Variants in MGAT4C observed in about 807,000 individuals in gnomAD.
The protein encoded by MGAT4C is alpha-1,3-mannosyl-glycoprotein 4-beta-N-acetylglucosaminyltransferase C.
In MGAT4C, 19 loss-of-function variants were observed where a neutral mutation model predicts 40.1. That is an observed-to-expected ratio of 0.47 (90% CI 0.33 to 0.70). The LOEUF (loss-of-function observed/expected upper bound fraction) is 0.70. Ranked by LOEUF, MGAT4C falls within the 30% of genes least tolerant of loss-of-function variation. MGAT4C has a pLI of 0.02. For synonymous variants in MGAT4C, 181 were observed against 187.1 expected, an observed-to-expected ratio of 0.97 and a Z score of 0.27; for missense variants, 491 against 563.2, an observed-to-expected ratio of 0.87 and a Z score of 1.30.
At position 86,182,585 on chromosome 12, in the gene MGAT4C, TTCTC is replaced by T. The variant is rs141153024; in HGVS notation, c.-57+73650_-57+73653del. On this transcript the variant is annotated intron_variant, in intron 1 of 4. Coordinates refer to ENST00000611864, the MANE Select transcript of MGAT4C (RefSeq NM_001351288.2). ...TCTTCCTCCCTTCCTTTCTTCTTTC[TTCTC>T]TCTCTTTATTCATTTTCTTCCTATT... Among the ~76,000 whole-genome samples the T allele has an allele frequency of 2.8e-4, 43 of 152,188 alleles. No individual in the cohort carries two copies. In the East Asian group the frequency reaches 7.2e-3, roughly 25 times the overall value.
chr12:86,718,706 A>T (rs1307759342), intron 2 of MGAT4C, among the ~76,000 whole-genome samples: 1 of 152,152 alleles, frequency 6.6e-6, no homozygotes, highest in Non-Finnish European at 1.5e-5. Context: ...CTGTCAGATC[A>T]GCGGGGTCAT....
intron 2 of MGAT4C, among the ~76,000 whole-genome samples, chr12:86,640,111 A>G (rs896210640): frequency 2.1e-4 from 32 of 151,842 alleles, no homozygotes; most frequent in Non-Finnish European, 3.7e-4. Flanking sequence ...ATAAACATAA[A>G]CCTCACATTG....
chr12:86,037,306 C>T (rs1200786171), intron 2 of MGAT4C, among the ~76,000 whole-genome samples: 2 of 149,834 alleles, frequency 1.3e-5, no homozygotes, highest in African/African-American at 2.4e-5. Flanking sequence ...CTGCTCTAAT[C>T]TTAGTTACTT....
intron 4 of MGAT4C, among the ~76,000 whole-genome samples, chr12:86,315,660 C>G (rs367581411): frequency 3.3e-5 from 5 of 152,036 alleles, no homozygotes; most frequent in Non-Finnish European, 7.4e-5. Context: ...GAGCCGAGAT[C>G]GCGCCCCTGC....
chr12:86,681,365 C>T (rs985564329), intron 2 of MGAT4C, among the ~76,000 whole-genome samples: 1 of 151,864 alleles, frequency 6.6e-6, no homozygotes, highest in Non-Finnish European at 1.5e-5. Flanking sequence ...CATTTGCAAC[C>T]ATGGTGGACT....
chr12:86,517,289 TTA>T (rs1958707821), intron 2 of MGAT4C, among the ~76,000 whole-genome samples: 1 of 152,164 alleles, frequency 6.6e-6, no homozygotes, highest in Admixed American at 6.5e-5. Flanking sequence ...GACATGTGAA[TTA>T]TATCTCAATA....
intron 2 of MGAT4C, among the ~76,000 whole-genome samples, chr12:86,588,459 C>CT (rs1961166333): frequency 1.3e-5 from 2 of 151,984 alleles, no homozygotes; most frequent in South Asian, 4.1e-4. Flanking sequence ...TAATGGGAGA[C>CT]TTTAACACCC....
chr12:86,409,917 G>A (rs965539918), intron 3 of MGAT4C, among the ~76,000 whole-genome samples: 7 of 152,132 alleles, frequency 4.6e-5, no homozygotes, highest in African/African-American at 1.4e-4. Flanking sequence ...TTACAGCTGG[G>A]CCTCCAGGGG....
At chr12:86,142,386 T>A (rs1293120043) in intron 1 of MGAT4C, among the ~76,000 whole-genome samples, 1 of 152,154 alleles carries the variant, frequency 6.6e-6, no homozygotes, top group Non-Finnish European at 1.5e-5. Context: ...CATGTTTATT[T>A]TCATGTAATT....
chr12:86,762,781 T>C lies in MGAT4C; in HGVS notation c.-261-35540A>G, dbSNP rs183629268. Among the ~76,000 whole-genome samples the C allele has an allele frequency of 1.8e-3, 267 of 152,288 alleles. 2 individuals carry two copies. Among genetic ancestry groups the C allele is most frequent in the African/African-American group, 6.1e-3 (252 of 41,564 alleles). ...ACAAATAATAAACACATTTTGAAAG[T>C]AGAGAAACATGTCATCATAAAGCAG... On this transcript the variant is annotated intron_variant, in intron 1 of 7. Coordinates refer to the MGAT4C transcript ENST00000548651.
upstream of MGAT4C, among the ~76,000 whole-genome samples, chr12:86,261,350 A>G (rs1210376994): frequency 2.0e-5 from 3 of 152,130 alleles, no homozygotes; most frequent in African/African-American, 7.2e-5. Context: ...TATGACTCAT[A>G]CTTCAGTTTC....
At chr12:86,122,825 T>C (rs1013223407) in intron 1 of MGAT4C, among the ~76,000 whole-genome samples, 1 of 152,126 alleles carries the variant, frequency 6.6e-6, no homozygotes, top group African/African-American at 2.4e-5. Context: ...CACAAAATGA[T>C]AGTATTCTTA....
chr12:86,116,353 T>C (rs1233499336), intron 1 of MGAT4C, among the ~76,000 whole-genome samples: 1 of 151,928 alleles, frequency 6.6e-6, no homozygotes, highest in African/African-American at 2.4e-5. Context: ...GTAATCCAGA[T>C]AGAAAAAGAT....
At chr12:86,405,415 C>T (rs572572193) in intron 3 of MGAT4C, among the ~76,000 whole-genome samples, 24 of 151,908 alleles carry the variant, frequency 1.6e-4, no homozygotes, top group African/African-American at 4.1e-4. Flanking sequence ...CTTAGGAGTA[C>T]GTATAAGAAG....
chr12:86,765,302 G>A (rs576566870), intron 1 of MGAT4C, among the ~76,000 whole-genome samples: 3 of 152,216 alleles, frequency 2.0e-5, no homozygotes, highest in South Asian at 4.1e-4. Context: ...GAAGCAAGAA[G>A]GGAAGTGTAG....
At chr12:86,281,011 C>T (rs895710573) in intron 4 of MGAT4C, among the ~76,000 whole-genome samples, 11 of 151,706 alleles carry the variant, frequency 7.3e-5, no homozygotes, top group South Asian at 2.1e-4. Context: ...TGGTTATGTC[C>T]GTCATCTTGC....
intron 1 of MGAT4C, among the ~76,000 whole-genome samples, chr12:86,748,236 C>T (rs1951182712): frequency 6.6e-6 from 1 of 151,532 alleles, no homozygotes. Context: ...AGGACAGTGT[C>T]ATCAACTCAT....
chr12:86,123,949 C>A (rs745460122), intron 1 of MGAT4C, among the ~76,000 whole-genome samples: 5 of 151,706 alleles, frequency 3.3e-5, no homozygotes, highest in Non-Finnish European at 5.9e-5. Flanking sequence ...AAAAATAGTC[C>A]CATTGTTATC....
intron 1 of MGAT4C, among the ~76,000 whole-genome samples, chr12:86,072,196 G>A (rs988412593): frequency 6.6e-6 from 1 of 152,074 alleles, no homozygotes; most frequent in East Asian, 1.9e-4. Flanking sequence ...TGATGTGCCT[G>A]AGGTTACAGA....
Sources: allele counts gnomAD v4.1 joint callset (sites outside exome capture counted in the v4.1 genomes callset), GRCh38; gene constraint gnomAD v4.1.1; transcripts MANE v1.5; gene names NCBI Gene and HGNC (gene_info 2026-07-23, HGNC 2026-07-21).